CIT: variants seen among roughly 807,000 people sequenced by gnomAD.
CIT encodes citron rho-interacting serine/threonine kinase, also known as citron Rho-interacting kinase.
Under a neutral mutation model 272.7 loss-of-function variants are expected in CIT, and 79 were observed. The observed-to-expected ratio is 0.29, with a 90% CI of 0.24 to 0.35. The LOEUF (loss-of-function observed/expected upper bound fraction) is 0.35. Ranked by LOEUF, CIT falls within the 10% of genes least tolerant of loss-of-function variation. The probability of loss-of-function intolerance (pLI) is 1.00; values close to 1 mark genes in which losing one functional copy is unlikely to be tolerated. For missense variants in CIT, 1,909 were observed against 2,618.3 expected, an observed-to-expected ratio of 0.73 and a Z score of 5.91; for synonymous variants, 948 against 995.6, an observed-to-expected ratio of 0.95 and a Z score of 0.90.
rs777086933 is a variant in CIT, at chr12:119,784,829, G to T, written c.1401+131C>A. 4.8e-6 allele frequency: 7 copies of T among 1,449,264 alleles called. No individual in the cohort carries two copies. The Admixed American group carries it at 1.7e-4, about 35-fold the overall frequency. The allele number at this position is 1,449,264 out of a possible 1,614,324, so 89.8% of individuals were successfully genotyped here. The stretch of plus-strand genomic sequence containing the variant: ...GAGCTGCTGGAGGCGCGACTTCAGC[G>T]AAGGCAGGAGCGCCTCACTCTCTAC... On this transcript the variant is annotated intron_variant, in intron 11 of 47. Transcript: ENST00000392521. The surrounding 1 kb of genome is among the most constrained non-coding windows in gnomAD (Gnocchi z 4.7).
intron 19 of CIT, among the ~76,000 whole-genome samples, chr12:119,765,888 G>A (rs926827591): frequency 6.6e-6 from 1 of 152,108 alleles, no homozygotes; most frequent in African/African-American, 2.4e-5. Context: ...CAATCCCACT[G>A]CTGGAAAGGA....
Position 119,735,376 on chromosome 12 carries a change from C to T in CIT, c.2959-19G>A. 6.2e-7 allele frequency: 1 copy of T among 1,610,848 alleles called. No homozygotes were observed. The highest frequency in any genetic ancestry group is 2.2e-5 in the East Asian group (1 of 44,866). On this transcript the variant is annotated intron_variant, in intron 24 of 47. Transcript: ENST00000392521. ...TGATTACCTAAAAGAGGAAAGGAAT[C>T]CAGTTACACGCCAAGCACATTCATT...
intron 10 of CIT, among the ~76,000 whole-genome samples, chr12:119,787,208 G>T (rs1490044311): frequency 6.6e-6 from 1 of 151,738 alleles, no homozygotes; most frequent in African/African-American, 2.4e-5. Context: ...CAAGCAATCC[G>T]CCCGCCTCAG....
Position 119,803,271 on chromosome 12 carries a change from C to T in CIT, c.1230G>A (p.Ser410=), listed in dbSNP as rs765647045. ...SPCQLSPSGF[S]GEELPFVGFS... ...ACCCCACAAACGGCAGTTCTTCACC[C>T]GAGAAGCCTGAGGGGCTCAGCTGGC... Residue 410 remains serine, a synonymous_variant, in exon 10 of 48, where the codon TCG becomes TCA. Transcript: ENST00000392521. The T allele has an allele frequency of 2.8e-5, 45 of 1,608,734 alleles. No homozygotes were observed. The highest frequency in any genetic ancestry group is 6.8e-5 in the Admixed American group (4 of 59,140).
chr12:119,704,548 G>A, intron 40 of CIT, 93 bp from the exon 41 acceptor site: 1 of 1,065,870 alleles, frequency 9.4e-7, no homozygotes, highest in Non-Finnish European at 1.4e-6. Flanking sequence ...CAGCGCCATT[G>A]ATGATTCAGA....
At chr12:119,757,597 G>A in intron 21 of CIT, 52 bp from the exon 22 acceptor site, 1 of 1,606,866 alleles carries the variant, frequency 6.2e-7, no homozygotes, top group Non-Finnish European at 8.5e-7. Context: ...CATTAGGGTT[G>A]AGCCCGTTTC....
intron 9 of CIT, among the ~76,000 whole-genome samples, chr12:119,820,147 G>A (rs950437265): frequency 5.3e-5 from 8 of 152,192 alleles, no homozygotes; most frequent in Non-Finnish European, 1.2e-4. Flanking sequence ...ATGAGTGGGA[G>A]AATTGGTAAA....
At chr12:119,734,654 C>T (rs560732382) in intron 25 of CIT, among the ~76,000 whole-genome samples, 128 of 151,892 alleles carry the variant, frequency 8.4e-4, no homozygotes, top group African/African-American at 2.9e-3. Flanking sequence ...TTTATTTTTT[C>T]GAGACAGGGT....
At chr12:119,824,038 CAA>C (rs33990395) in intron 8 of CIT, among the ~76,000 whole-genome samples, 1 of 50,698 alleles carries the variant, frequency 2.0e-5, no homozygotes, top group African/African-American at 8.5e-5. Context: ...GACTCCATCT[CAA>C]AAAAAAAAAA....
chr12:119,772,973 A>G, intron 16 of CIT, 63 bp from the exon 17 acceptor site: 2 of 1,464,050 alleles, frequency 1.4e-6, no homozygotes, highest in East Asian at 2.4e-5. Context: ...AGATGGTGAC[A>G]GTATGTTCTG....
intron 7 of CIT, among the ~76,000 whole-genome samples, chr12:119,828,990 AAAGG>A (rs10544983): frequency 0.57 from 85,646 of 150,442 alleles, 26,046 homozygotes; most frequent in East Asian, 0.83. Flanking sequence ...GAAGGAAAAG[AAAGG>A]AAGGAAGGAA....
chr12:119,853,806 C>G (rs1048238648), intron 4 of CIT, among the ~76,000 whole-genome samples: 32 of 152,064 alleles, frequency 2.1e-4, no homozygotes, highest in African/African-American at 6.3e-4. Flanking sequence ...TGCTTGCTCA[C>G]CAATGACTCT....
intron 41 of CIT, among the ~76,000 whole-genome samples, chr12:119,703,521 G>A (rs1387357191): frequency 4.2e-5 from 6 of 144,518 alleles, no homozygotes; most frequent in East Asian, 4.1e-4. Context: ...CACCTCCCAC[G>A]TTTATGCAAT....
At chr12:119,725,906 A>G (rs538291726) in intron 28 of CIT, among the ~76,000 whole-genome samples, 1 of 152,320 alleles carries the variant, frequency 6.6e-6, no homozygotes, top group South Asian at 2.1e-4. Context: ...ACTGCAGATA[A>G]AAGACCCTAA....
Position 119,784,544 on chromosome 12 carries a change from G to T in CIT, c.1401+416C>A. On this transcript the variant is annotated intron_variant, in intron 11 of 47. Transcript: ENST00000392521. The surrounding 1 kb of genome is among the most constrained non-coding windows in gnomAD (Gnocchi z 4.7). ...TTGCCTCTGGGCAGGAACAGTGAAT[G>T]TTAAGAGACGTTGAGCGTAATCAAC... The T allele has an allele frequency of 8.5e-7, 1 of 1,177,370 alleles. No individual in the cohort carries two copies. The highest frequency in any genetic ancestry group is 1.1e-6 in the Non-Finnish European group (1 of 941,184). 72.9% of individuals were successfully genotyped at this position (1,177,370 alleles called of 1,614,324 possible). A position where few individuals can be genotyped will look rare whatever the true frequency, so the allele number is the denominator to read the frequency against.
rs539597231 is a variant in CIT, at chr12:119,871,005, G to C, written c.97-1804C>G. On this transcript the variant is annotated intron_variant, in intron 2 of 47. Coordinates refer to ENST00000392521, the MANE Select transcript of CIT (RefSeq NM_001206999.2). Reference sequence around the variant, plus strand: ...GTGGAGGCACGTGCCTGTAATCCCAGCTACTCGGGAGGCTGGGGCAGGAGA... The same window carrying C: ...GTGGAGGCACGTGCCTGTAATCCCACCTACTCGGGAGGCTGGGGCAGGAGA... Among the ~76,000 whole-genome samples the C allele has an allele frequency of 5.3e-3, 804 of 152,098 alleles. 5 individuals carry two copies. The highest frequency in any genetic ancestry group is 9.2e-3 in the Admixed American group (141 of 15,258).
In CIT at chr12:119,857,595, T is replaced by G; in HGVS notation, c.342A>C (p.Val114=). Residue 114 remains valine, a synonymous_variant, in exon 4 of 48, where the codon GTA becomes GTC. Transcript: ENST00000392521. ...AGATGTCCCCGGTTGCTTTCTCTCT[T>G]ACCACCTGCACTTCAGCAAAGTGAC... is the stretch of plus-strand genomic sequence containing the variant. ...GCGHFAEVQV[V]REKATGDIYA... The G allele has an allele frequency of 6.2e-7, 1 of 1,614,200 alleles. No individual in the cohort carries two copies. Among genetic ancestry groups the G allele is most frequent in the African/African-American group, 1.3e-5 (1 of 75,070 alleles).
At chr12:119,741,155 A>G (rs1187042474) in intron 24 of CIT, among the ~76,000 whole-genome samples, 1 of 70,486 alleles carries the variant, frequency 1.4e-5, no homozygotes, top group African/African-American at 6.5e-5. Context: ...ACACAGTGAT[A>G]AAAAAAAAAA....
rs1306295641 is a variant in CIT, at chr12:119,827,596, C to T, written c.754-2228G>A. On this transcript the variant is annotated intron_variant, in intron 7 of 47. Coordinates refer to ENST00000392521, the MANE Select transcript of CIT (RefSeq NM_001206999.2). ...GCGACTACAGGTGCATGCCACCACACCCAGATAATTTTTGTATTTTTAGTA... is the reference window on the plus strand; with the variant it reads ...GCGACTACAGGTGCATGCCACCACATCCAGATAATTTTTGTATTTTTAGTA... 3.3e-5 allele frequency among the ~76,000 whole-genome samples: 5 copies of T among 152,206 alleles called. No homozygotes were observed. The East Asian group carries it at 9.7e-4, about 29-fold the overall frequency.
Sources: allele counts gnomAD v4.1 joint callset (sites outside exome capture counted in the v4.1 genomes callset), GRCh38; gene constraint gnomAD v4.1.1; non-coding constraint Gnocchi (gnomAD v3.1); transcripts MANE v1.5; gene names NCBI Gene and HGNC (gene_info 2026-07-23, HGNC 2026-07-21).